ITGA7: variants seen among roughly 807,000 people sequenced by gnomAD.
ITGA7 encodes integrin subunit alpha 7.
Under a neutral mutation model 131.6 loss-of-function variants are expected in ITGA7, and 84 were observed. That is an observed-to-expected ratio of 0.64 (90% confidence interval 0.54 to 0.77). The LOEUF (loss-of-function observed/expected upper bound fraction) is 0.77, where lower values mean the gene tolerates loss of function less well. Among genes scored for constraint, ITGA7 ranks in the 30% least tolerant of loss-of-function variants. The pLI is 0.00. For missense variants in ITGA7, 1,399 were observed against 1,482.9 expected, an observed-to-expected ratio of 0.94 and a Z score of 0.93; for synonymous variants, 548 against 600.7, an observed-to-expected ratio of 0.91 and a Z score of 1.28.
At chr12:55,687,325 C>T (rs1044379266) in intron 24 of ITGA7, among the ~76,000 whole-genome samples, 2 of 148,100 alleles carry the variant, frequency 1.4e-5, no homozygotes, top group African/African-American at 2.5e-5. Flanking sequence ...TTACAGGCAC[C>T]CCCCACCATG....
intron 11 of ITGA7, 33 bp from the exon 12 acceptor site, chr12:55,697,101 G>A: frequency 1.2e-6 from 2 of 1,606,072 alleles, no homozygotes; most frequent in Non-Finnish European, 1.7e-6. Flanking sequence ...GAGCTGCTGA[G>A]CTGCAGAGCT....
At chr12:55,704,261 G>T (rs1236851147) in intron 1 of ITGA7, among the ~76,000 whole-genome samples, 1 of 152,244 alleles carries the variant, frequency 6.6e-6, no homozygotes, top group Non-Finnish European at 1.5e-5. Flanking sequence ...TTACAGACAG[G>T]CATCTGTGGG....
rs1385053128 is a variant in ITGA7 at position 55,693,116 on chromosome 12, A to AC, written c.2712+24dup. 1.9e-6 allele frequency: 3 copies of AC among 1,611,370 alleles called. No homozygotes were observed. The African/African-American group carries it at 4.0e-5, about 22-fold the overall frequency. On this transcript the variant is annotated intron_variant, in intron 20 of 24. Coordinates refer to ENST00000257879, the MANE Select transcript of ITGA7 (RefSeq NM_002206.3). ...CCCATAACATCTGTCCCCACATCTA[A>AC]CCCCCACCCCCACCTAAGCCTCACC... is the stretch of plus-strand genomic sequence containing the variant.
rs763103443 is a variant in ITGA7, at chr12:55,696,374, G to T, written c.1796C>A (p.Thr599Asn). The T allele has an allele frequency of 9.4e-6, 15 of 1,597,016 alleles. No homozygotes were observed. Among genetic ancestry groups the T allele is most frequent in the African/African-American group, 1.3e-5 (1 of 74,730 alleles). Residue 599 changes from threonine to asparagine, a missense_variant, in exon 13 of 25, where the codon ACC (threonine) becomes AAC (asparagine). By Grantham distance (65) the Thr-to-Asn change is moderately conservative. Coordinates refer to ENST00000257879, the MANE Select transcript of ITGA7 (RefSeq NM_002206.3). ...IVVTLSYSLQ[T>N]PRLRRQAPGQ... Reference sequence around the variant, plus strand: ...AGGAGCCTGTCGCCGGAGCCGAGGGGTCTGGAGACTGTAGGACAAGGTCAC... The same window carrying T: ...AGGAGCCTGTCGCCGGAGCCGAGGGTTCTGGAGACTGTAGGACAAGGTCAC...
upstream of ITGA7, among the ~76,000 whole-genome samples, chr12:55,713,439 A>G (rs1319767597): frequency 1.3e-5 from 2 of 152,250 alleles, no homozygotes; most frequent in Admixed American, 6.5e-5. Context: ...TATGCAGTAT[A>G]CAGCGGTAAG....
intron 3 of ITGA7, chr12:55,701,487 T>G: frequency 6.7e-7 from 1 of 1,487,186 alleles, no homozygotes; most frequent in Non-Finnish European, 9.2e-7. Context: ...GTCACAGTCC[T>G]CCAAAATGCC....
upstream of ITGA7, among the ~76,000 whole-genome samples, chr12:55,711,260 T>A (rs151290892): frequency 1.6e-3 from 246 of 152,256 alleles, 3 homozygotes; most frequent in East Asian, 7.5e-3. Flanking sequence ...GGTGGATCAC[T>A]TGAGGTCAGG....
chr12:55,696,747 GA>G, intron 12 of ITGA7, 151 bp downstream of exon 12: 1 of 874,692 alleles, frequency 1.1e-6, no homozygotes, highest in Non-Finnish European at 1.8e-6. Context: ...GGCAGCAGAT[GA>G]GGAGGAAGTG....
upstream of ITGA7, chr12:55,716,222 T>C (rs780757055): frequency 5.0e-6 from 8 of 1,587,684 alleles, no homozygotes; most frequent in African/African-American, 9.5e-5. Context: ...TGTCGGCCGT[T>C]TTCTCTTCGG....
chr12:55,704,707 A>C (rs1874816337), intron 1 of ITGA7, among the ~76,000 whole-genome samples: 1 of 152,228 alleles, frequency 6.6e-6, no homozygotes, highest in Admixed American at 6.5e-5. Context: ...AAAGACATTA[A>C]GCAGTGATGC....
chr12:55,707,927 G>C (rs1056599568), upstream of ITGA7: 1 of 1,376,878 alleles, frequency 7.3e-7, no homozygotes, highest in Non-Finnish European at 9.4e-7. Flanking sequence ...CTCCTCTCCC[G>C]GGGACGCCAC....
chr12:55,707,454 T>C lies in ITGA7; in HGVS notation c.206+23A>G, dbSNP rs772143882. On this transcript the variant is annotated intron_variant, in intron 1 of 24. Coordinates refer to ENST00000257879, the MANE Select transcript of ITGA7 (RefSeq NM_002206.3). ...CGATCTGTGGCTCGGGCATGGCGAC[T>C]CTGGGCGGGTGCGGTGACTCACCAG... is the stretch of plus-strand genomic sequence containing the variant. 1.5e-5 allele frequency: 24 copies of C among 1,596,704 alleles called. 2 individuals carry two copies. The South Asian group carries it at 2.6e-4, about 18-fold the overall frequency.
rs769598452 is a variant in ITGA7 at position 55,700,983 on chromosome 12, A to G, written c.586T>C (p.Phe196Leu). ...GCGGCAGCTGTGCCCTGCTGGCAGA[A>G]CCCAAATTGTTCATGGCCTTGGGGG... ...GRPQGHEQFG[F>L]CQQGTAAAFS... Residue 196 changes from phenylalanine (F) to leucine (L), a missense_variant, in exon 4 of 25, where the codon TTC (phenylalanine) becomes CTC (leucine). Phe to Leu is a conservative substitution (Grantham distance 22). Transcript: ENST00000257879. 1.9e-6 allele frequency: 3 copies of G among 1,614,184 alleles called. No homozygotes were observed. In the South Asian group the frequency reaches 3.3e-5, roughly 18 times the overall value.
intron 21 of ITGA7, among the ~76,000 whole-genome samples, chr12:55,691,739 C>T (rs1244510642): frequency 1.3e-5 from 2 of 152,208 alleles, no homozygotes; most frequent in East Asian, 1.9e-4. Flanking sequence ...GCAACAGCCA[C>T]GACATGGGTT....
chr12:55,692,729 G>T (rs1871714699), intron 21 of ITGA7, 115 bp downstream of exon 21: 1 of 1,363,896 alleles, frequency 7.3e-7, no homozygotes, highest in Non-Finnish European at 1.0e-6. Flanking sequence ...CCTATGAATT[G>T]TGATGGGAAC....
chr12:55,698,384 TG>T lies in ITGA7; in HGVS notation c.1190del (p.Pro397GlnfsTer109), dbSNP rs764550217. 3.1e-6 allele frequency: 5 copies of T among 1,610,930 alleles called. No individual in the cohort carries two copies. In the South Asian group the frequency reaches 5.5e-5, roughly 18 times the overall value. On this transcript the variant is annotated frameshift_variant and splice_region_variant, in exon 7 of 25. Transcript: ENST00000257879. LOFTEE classifies it high-confidence loss of function. ...VLGDLNQDGF[P>X]DIAVGAPFDG... ...AGCCTTTCCAGTTCCCCGTCACACC[TG>T]GAAAGCCATCTTGGTTGAGGTCCCC... is the stretch of plus-strand genomic sequence containing the variant.
chr12:55,693,378 A>G, intron 19 of ITGA7, 61 bp from the exon 20 acceptor site: 1 of 1,303,760 alleles, frequency 7.7e-7, no homozygotes, highest in Non-Finnish European at 1.1e-6. Flanking sequence ...TTTTTTTTTA[A>G]TTTTTTGTAG....
At chr12:55,712,125 A>G (rs1356245808), upstream of ITGA7, 1 of 1,551,512 alleles carries the variant, frequency 6.4e-7, no homozygotes, top group South Asian at 1.2e-5. Flanking sequence ...AGCTTGAACC[A>G]TGGGAGTGGC....
intron 21 of ITGA7, among the ~76,000 whole-genome samples, chr12:55,692,421 A>G (rs1237230278): frequency 6.6e-6 from 1 of 152,240 alleles, no homozygotes; most frequent in African/African-American, 2.4e-5. Context: ...TCTCAACAAC[A>G]ACAAAAAAGA....
Sources: gnomAD v4.1 joint callset for allele counts (sites outside exome capture counted in the v4.1 genomes callset) on GRCh38, gnomAD v4.1.1 for gene constraint, MANE v1.5 for transcripts, NCBI Gene and HGNC (gene_info 2026-07-23, HGNC 2026-07-21) for gene names.